Variants in DAB1 observed in about 807,000 individuals in gnomAD.
The protein encoded by DAB1 is disabled homolog 1.
Under a neutral mutation model 64.6 loss-of-function variants are expected in DAB1, and 15 were observed. That is an observed-to-expected ratio of 0.23 (90% CI 0.16 to 0.36). The LOEUF is 0.36. Among genes scored for constraint, DAB1 ranks in the 10% least tolerant of loss-of-function variants. The pLI, the probability that DAB1 is intolerant of heterozygous loss-of-function variation, is 1.00. For missense variants in DAB1, 596 were observed against 706.7 expected, an observed-to-expected ratio of 0.84 and a Z score of 1.78; for synonymous variants, 235 against 251.9, an observed-to-expected ratio of 0.93 and a Z score of 0.64.
chr1:57,987,285 G>A (rs940155158), intron 5 of DAB1, among the ~76,000 whole-genome samples: 5 of 152,010 alleles, frequency 3.3e-5, no homozygotes, highest in African/African-American at 1.2e-4. Flanking sequence ...AGACACATCC[G>A]GGTTCTATTT....
Position 57,292,966 on chromosome 1 carries a change from G to A in DAB1, c.-136-1800C>T, listed in dbSNP as rs539568226. Reference sequence around the variant, plus strand: ...GCCCTACTCTGTGAGATGTTGAAAAGCTATGTTTCTGTCAAAAGGACGATA... The same window carrying A: ...GCCCTACTCTGTGAGATGTTGAAAAACTATGTTTCTGTCAAAAGGACGATA... On this transcript the variant is annotated intron_variant, in intron 1 of 14. Transcript: ENST00000371236. Among the ~76,000 whole-genome samples, 8 of 152,240 alleles carry A rather than the reference G, an allele frequency of 5.3e-5. No homozygotes were observed. The South Asian group carries it at 1.7e-3, about 32-fold the overall frequency.
chr1:57,803,055 A>T (rs2101874902), intron 6 of DAB1, among the ~76,000 whole-genome samples: 1 of 152,306 alleles, frequency 6.6e-6, no homozygotes, highest in South Asian at 2.1e-4. Flanking sequence ...CCTGGAGGCT[A>T]TCTGCCTGCC....
At chr1:57,084,468 T>C (rs1185297579) in intron 4 of DAB1, among the ~76,000 whole-genome samples, 12 of 152,222 alleles carry the variant, frequency 7.9e-5, no homozygotes, top group Non-Finnish European at 1.0e-4. Flanking sequence ...GTCCAGTTTG[T>C]GGTACTTTGG....
At chr1:58,158,461 C>T (rs1655336069) in intron 4 of DAB1, among the ~76,000 whole-genome samples, 1 of 152,078 alleles carries the variant, frequency 6.6e-6, no homozygotes, top group African/African-American at 2.4e-5. Flanking sequence ...ACTCTCGGTC[C>T]ACATCCAGGA....
chr1:57,293,579 C>A (rs634391), intron 1 of DAB1, among the ~76,000 whole-genome samples: 62,832 of 151,980 alleles, frequency 0.41, 13,573 homozygotes, highest in Admixed American at 0.58. Context: ...TCAAGGCCAC[C>A]TGGCCGGTAT....
intron 6 of DAB1, among the ~76,000 whole-genome samples, chr1:57,669,908 T>A (rs1464934744): frequency 6.6e-6 from 1 of 152,128 alleles, no homozygotes; most frequent in African/African-American, 2.4e-5. Flanking sequence ...AATTCAGGAT[T>A]TACTAGAACT....
At chr1:57,898,587 T>C (rs900043149) in intron 5 of DAB1, among the ~76,000 whole-genome samples, 3 of 152,166 alleles carry the variant, frequency 2.0e-5, no homozygotes, top group Non-Finnish European at 4.4e-5. Flanking sequence ...ATTAAAAAAA[T>C]ATCAGGGAAC....
At chr1:57,214,948 AAAAACAAAAC>A (rs765405735) in intron 2 of DAB1, among the ~76,000 whole-genome samples, 4 of 151,564 alleles carry the variant, frequency 2.6e-5, no homozygotes, top group African/African-American at 7.3e-5. Context: ...AAAAGGCAAG[AAAAACAAAAC>A]AAAACAAAAC....
intron 4 of DAB1, among the ~76,000 whole-genome samples, chr1:58,243,983 T>G (rs1660418594): frequency 6.6e-6 from 1 of 152,078 alleles, no homozygotes; most frequent in African/African-American, 2.4e-5. Flanking sequence ...CATGCTTTGC[T>G]GAATTTTAAG....
intron 4 of DAB1, among the ~76,000 whole-genome samples, chr1:58,160,484 T>C (rs1417489221): frequency 6.6e-6 from 1 of 152,126 alleles, no homozygotes; most frequent in African/African-American, 2.4e-5. Context: ...ATGAAACTGA[T>C]ATTCAAAAGG....
At chr1:58,524,942 C>T (rs1422418884) in intron 2 of DAB1, among the ~76,000 whole-genome samples, 1 of 152,148 alleles carries the variant, frequency 6.6e-6, no homozygotes, top group Admixed American at 6.5e-5. Context: ...AGTAGATATT[C>T]ACAATATTTG....
intron 7 of DAB1, among the ~76,000 whole-genome samples, chr1:57,475,685 C>T (rs1259246002): frequency 1.3e-5 from 2 of 152,108 alleles, no homozygotes; most frequent in Admixed American, 1.3e-4. Flanking sequence ...CAGCCTTGAG[C>T]CCAGGACTGA....
chr1:57,055,057 AC>A (rs1352594349), intron 9 of DAB1, among the ~76,000 whole-genome samples: 1 of 151,916 alleles, frequency 6.6e-6, no homozygotes, highest in Non-Finnish European at 1.5e-5. Context: ...CCTTTCTGAA[AC>A]CTCCGTGTCT....
chr1:57,843,928 G>A (rs1219407734), intron 1 of DAB1, among the ~76,000 whole-genome samples: 1 of 152,190 alleles, frequency 6.6e-6, no homozygotes, highest in Admixed American at 6.5e-5. Flanking sequence ...ATTTGACCAG[G>A]TTTGACCCAT....
At chr1:58,395,077 A>C (rs1644508187) in intron 3 of DAB1, among the ~76,000 whole-genome samples, 1 of 152,122 alleles carries the variant, frequency 6.6e-6, no homozygotes, top group South Asian at 2.1e-4. Flanking sequence ...AGCCTGTCAA[A>C]AAGCAGCTTC....
chr1:57,458,324 T>A (rs1051724451), intron 7 of DAB1, among the ~76,000 whole-genome samples: 2 of 152,132 alleles, frequency 1.3e-5, no homozygotes, highest in Admixed American at 6.5e-5. Context: ...TTTATAATTA[T>A]AAACAGAACT....
chr1:57,472,847 T>C (rs1275265073), intron 7 of DAB1, among the ~76,000 whole-genome samples: 3 of 152,186 alleles, frequency 2.0e-5, no homozygotes, highest in Admixed American at 6.5e-5. Context: ...TCATTTGCCT[T>C]AGCATGTCCA....
intron 5 of DAB1, among the ~76,000 whole-genome samples, chr1:57,992,456 T>C (rs924914086): frequency 6.6e-6 from 1 of 151,894 alleles, no homozygotes; most frequent in Admixed American, 6.6e-5. Context: ...AAAGATGAGG[T>C]AGAAAATATA....
At chr1:57,542,920 A>T (rs1355410963) in intron 7 of DAB1, among the ~76,000 whole-genome samples, 1 of 152,180 alleles carries the variant, frequency 6.6e-6, no homozygotes, top group Non-Finnish European at 1.5e-5. Flanking sequence ...CCACTCTCAG[A>T]TCACTTGCTC....
Sources: allele counts gnomAD v4.1 joint callset (sites outside exome capture counted in the v4.1 genomes callset), GRCh38; gene constraint gnomAD v4.1.1; transcripts MANE v1.5; gene names NCBI Gene and HGNC (gene_info 2026-07-23, HGNC 2026-07-21).